Variants in ADD3 observed in about 807,000 individuals in gnomAD.
ADD3 encodes adducin 3.
ADD3 carries 25 observed loss-of-function variants against 80.2 expected under a neutral mutation model. The observed-to-expected ratio is 0.31, with a 90% CI of 0.23 to 0.44. The LOEUF is 0.44. ADD3 is among the 20% of genes least tolerant of loss of function. The pLI is 1.00. For missense variants in ADD3, 829 were observed against 847.5 expected (o/e 0.98, Z 0.27); for synonymous variants, 284 against 289.6 (o/e 0.98, Z 0.20).
upstream of ADD3, among the ~76,000 whole-genome samples, chr10:110,006,412 G>C (rs1428431113): frequency 6.6e-6 from 1 of 152,060 alleles, no homozygotes; most frequent in African/African-American, 2.4e-5. Flanking sequence ...CTTTTTAAAT[G>C]CAAGAAAATA....
At chr10:110,124,845 T>C (rs1564663303) in intron 10 of ADD3, among the ~76,000 whole-genome samples, 2 of 152,204 alleles carry the variant, frequency 1.3e-5, no homozygotes, top group Non-Finnish European at 1.5e-5. Flanking sequence ...AGGTCAGTCT[T>C]GTCCAGTCCA....
intron 1 of ADD3, among the ~76,000 whole-genome samples, chr10:110,068,012 T>C (rs1302813854): frequency 6.6e-6 from 1 of 152,184 alleles, no homozygotes; most frequent in Admixed American, 6.5e-5. Flanking sequence ...ATTTACAGGA[T>C]TGTGCAACCT....
At chr10:110,062,186 A>C (rs1026138996) in intron 1 of ADD3, among the ~76,000 whole-genome samples, 3 of 128,766 alleles carry the variant, frequency 2.3e-5, no homozygotes, top group African/African-American at 5.5e-5. Context: ...AACATGGAGA[A>C]ACACTGTCTC....
chr10:110,087,718 A>C (rs935832110), intron 1 of ADD3, among the ~76,000 whole-genome samples: 1 of 152,212 alleles, frequency 6.6e-6, no homozygotes, highest in African/African-American at 2.4e-5. Flanking sequence ...AAGGTGTGCT[A>C]TCTATTCACA....
chr10:110,133,227 T>C, intron 14 of ADD3, 99 bp from the exon 15 acceptor site: 1 of 1,181,442 alleles, frequency 8.5e-7, no homozygotes, highest in East Asian at 2.4e-5. Context: ...GGAATCAAAG[T>C]AATGCCTTAT....
chr10:110,014,816 C>T (rs933687672), intron 1 of ADD3, among the ~76,000 whole-genome samples: 16 of 151,930 alleles, frequency 1.1e-4, no homozygotes, highest in African/African-American at 2.7e-4. Flanking sequence ...TGTGAGCCAC[C>T]GCGTCCAGCC....
intron 1 of ADD3, among the ~76,000 whole-genome samples, chr10:110,035,175 A>G (rs1292591922): frequency 6.6e-6 from 1 of 152,184 alleles, no homozygotes; most frequent in Non-Finnish European, 1.5e-5. Flanking sequence ...TTTCATATTG[A>G]AATATAAAAT....
At chr10:110,013,661 T>C (rs1372848641) in intron 1 of ADD3, among the ~76,000 whole-genome samples, 2 of 152,194 alleles carry the variant, frequency 1.3e-5, no homozygotes, top group Non-Finnish European at 2.9e-5. Context: ...CCAAGTAATA[T>C]ACACGAAATT....
At chr10:110,048,221 G>A (rs1214806025) in intron 1 of ADD3, among the ~76,000 whole-genome samples, 5 of 152,174 alleles carry the variant, frequency 3.3e-5, no homozygotes, top group Non-Finnish European at 7.3e-5. Flanking sequence ...ATGATTGTGA[G>A]GCCTCCCCTC....
intron 1 of ADD3, among the ~76,000 whole-genome samples, chr10:110,049,450 G>T (rs961220403): frequency 6.6e-6 from 1 of 152,214 alleles, no homozygotes; most frequent in Non-Finnish European, 1.5e-5. Flanking sequence ...GACACTCAAT[G>T]CCTGGGAAAG....
intron 3 of ADD3, 82 bp downstream of exon 3, chr10:110,112,997 C>CT: frequency 2.7e-6 from 4 of 1,459,760 alleles, no homozygotes; most frequent in Non-Finnish European, 3.7e-6. Context: ...GCATATTCTG[C>CT]TCGGGTTCAG....
intron 1 of ADD3, among the ~76,000 whole-genome samples, chr10:110,061,729 T>A (rs1858916276): frequency 1.3e-5 from 2 of 152,208 alleles, no homozygotes; most frequent in African/African-American, 4.8e-5. Context: ...CTGAGATACA[T>A]TCTACACTAG....
chr10:110,057,538 G>A (rs1214019200), intron 1 of ADD3, among the ~76,000 whole-genome samples: 2 of 152,120 alleles, frequency 1.3e-5, no homozygotes, highest in Non-Finnish European at 2.9e-5. Flanking sequence ...CAAAATTATT[G>A]ATGTCTAGGT....
At chr10:110,058,108 AT>A (rs34287994) in intron 1 of ADD3, among the ~76,000 whole-genome samples, 90,563 of 144,336 alleles carry the variant, frequency 0.63, 32,914 homozygotes, top group Non-Finnish European at 0.81. Context: ...TCTCCTGAAG[AT>A]TTTTTTTTTT....
intron 1 of ADD3, among the ~76,000 whole-genome samples, chr10:110,037,598 C>G (rs1198984236): frequency 1.6e-5 from 2 of 123,118 alleles, no homozygotes; most frequent in Non-Finnish European, 3.3e-5. Flanking sequence ...GGGCAAGACT[C>G]AGTCTCAAAA....
At chr10:110,110,692 C>A (rs1026318164) in intron 2 of ADD3, among the ~76,000 whole-genome samples, 1 of 151,884 alleles carries the variant, frequency 6.6e-6, no homozygotes, top group African/African-American at 2.4e-5. Flanking sequence ...AGCTCGTATG[C>A]CATTTTTTTT....
chr10:110,014,549 G>A (rs1435577092), intron 1 of ADD3, among the ~76,000 whole-genome samples: 2 of 152,060 alleles, frequency 1.3e-5, no homozygotes, highest in East Asian at 3.8e-4. Context: ...TTGAGACAGA[G>A]TTTTTTACTC....
At chr10:110,050,289 G>C (rs1857360573) in intron 1 of ADD3, among the ~76,000 whole-genome samples, 1 of 152,032 alleles carries the variant, frequency 6.6e-6, no homozygotes, top group Non-Finnish European at 1.5e-5. Flanking sequence ...TGCCGTAGGA[G>C]GGACCCAGTG....
intron 1 of ADD3, among the ~76,000 whole-genome samples, chr10:110,061,160 T>G (rs1280340157): frequency 6.6e-6 from 1 of 152,248 alleles, no homozygotes; most frequent in Non-Finnish European, 1.5e-5. Flanking sequence ...CTGAGCTGTT[T>G]AATTTAGAAA....
Sources: gnomAD v4.1 joint callset for allele counts (sites outside exome capture counted in the v4.1 genomes callset) on GRCh38, gnomAD v4.1.1 for gene constraint, MANE v1.5 for transcripts, NCBI Gene and HGNC (gene_info 2026-07-23, HGNC 2026-07-21) for gene names.